ADAM12: variants seen among roughly 807,000 people sequenced by gnomAD.
ADAM12 encodes disintegrin and metalloproteinase domain-containing protein 12.
In ADAM12, 70 loss-of-function variants were observed where a neutral mutation model predicts 106.4. The observed-to-expected ratio is 0.66, with a 90% CI of 0.54 to 0.80. The LOEUF is 0.80. Ranked by LOEUF, ADAM12 falls within the 30% of genes least tolerant of loss-of-function variation. The pLI is 0.00. For synonymous variants in ADAM12, 420 were observed against 433.5 expected (o/e 0.97, Z 0.39); for missense variants, 1,010 against 1,171.9 (o/e 0.86, Z 2.02).
chr10:126,167,869 G>A (rs188236424), intron 3 of ADAM12, among the ~76,000 whole-genome samples: 28 of 152,232 alleles, frequency 1.8e-4, no homozygotes, highest in Admixed American at 1.5e-3. Flanking sequence ...GTTGGTATAT[G>A]GCCATTTTAT....
At chr10:126,037,285 CTTTTT>C (rs34515487) in intron 20 of ADAM12, among the ~76,000 whole-genome samples, 3 of 136,300 alleles carry the variant, frequency 2.2e-5, no homozygotes, top group Non-Finnish European at 4.6e-5. Context: ...TAAGGCTGTG[CTTTTT>C]TTTTTTTTTT....
At chr10:126,181,546 C>G (rs1047408280) in intron 3 of ADAM12, among the ~76,000 whole-genome samples, 1 of 152,154 alleles carries the variant, frequency 6.6e-6, no homozygotes. Flanking sequence ...ACCCACCCAG[C>G]CATCCACACA....
intron 3 of ADAM12, among the ~76,000 whole-genome samples, chr10:126,222,961 G>A (rs1958123286): frequency 6.6e-6 from 1 of 152,092 alleles, no homozygotes; most frequent in Non-Finnish European, 1.5e-5. Context: ...CAGGGCCAAG[G>A]GAAAAAAGCC....
At chr10:126,115,697 G>C (rs895786378) in intron 6 of ADAM12, among the ~76,000 whole-genome samples, 1 of 152,222 alleles carries the variant, frequency 6.6e-6, no homozygotes, top group Middle Eastern at 3.4e-3. Flanking sequence ...AAAATGCAGG[G>C]AAAAAGCAAA....
intron 2 of ADAM12, among the ~76,000 whole-genome samples, chr10:126,326,152 A>G (rs1854293458): frequency 6.6e-6 from 1 of 152,142 alleles, no homozygotes; most frequent in South Asian, 2.1e-4. Context: ...TGCAGCATCA[A>G]TTTCCCCAAG....
At chr10:126,199,428 A>C (rs1957656584) in intron 3 of ADAM12, among the ~76,000 whole-genome samples, 1 of 152,146 alleles carries the variant, frequency 6.6e-6, no homozygotes, top group African/African-American at 2.4e-5. Context: ...GCCAATTTCA[A>C]CGACTACCCA....
In ADAM12 at chr10:126,338,057, T is replaced by C. The variant is rs146122435; in HGVS notation, c.89-7548A>G. ...AAAGCAATCAAGTGCTATGGAACAA[T>C]TACAATTTGGAAAAGATGTTTTATG... On this transcript the variant is annotated intron_variant, in intron 1 of 22. Transcript: ENST00000448723. Among the ~76,000 whole-genome samples, 8 of 152,202 alleles carry C rather than the reference T, an allele frequency of 5.3e-5. No individual in the cohort carries two copies. In the East Asian group the frequency reaches 1.4e-3, roughly 26 times the overall value.
chr10:126,064,413 T>A lies in ADAM12; in HGVS notation c.1609+393A>T, dbSNP rs748189661. 2.0e-4 allele frequency among the ~76,000 whole-genome samples: 30 copies of A among 152,302 alleles called. No homozygotes were observed. Among genetic ancestry groups the A allele is most frequent in the Admixed American group, 5.9e-4 (9 of 15,312 alleles). On this transcript the variant is annotated intron_variant, in intron 14 of 22. Coordinates refer to ENST00000448723, the MANE Select transcript of ADAM12 (RefSeq NM_001288973.2). This position sits in a 1 kb window ranked among gnomAD's most constrained non-coding sequence, Gnocchi z 4.4. ...GTCTGTCCAACTACGTGCTATGCTATCTGAGGGCAGGAGTCATGGTGGATT... is the reference window on the plus strand; with the variant it reads ...GTCTGTCCAACTACGTGCTATGCTAACTGAGGGCAGGAGTCATGGTGGATT...
At chr10:126,239,419 C>T (rs189433631) in intron 3 of ADAM12, among the ~76,000 whole-genome samples, 1 of 152,240 alleles carries the variant, frequency 6.6e-6, no homozygotes, top group East Asian at 1.9e-4. Context: ...TTTCGTCAGT[C>T]CTACATTTAT....
In ADAM12 at chr10:126,290,501, G is replaced by C. The variant is rs545464582; in HGVS notation, c.187-11513C>G. Among the ~76,000 whole-genome samples, 16 of 152,280 alleles carry C rather than the reference G, an allele frequency of 1.1e-4. No individual in the cohort carries two copies. In the South Asian group the frequency reaches 1.2e-3, roughly 12 times the overall value. The stretch of plus-strand genomic sequence containing the variant: ...GCTATGAGATTCAAATGGTAAAAAG[G>C]CTGTTTGGAAACCATCATGCGTGAC... On this transcript the variant is annotated intron_variant, in intron 2 of 22. Coordinates refer to ENST00000448723, the MANE Select transcript of ADAM12 (RefSeq NM_001288973.2).
intron 4 of ADAM12, among the ~76,000 whole-genome samples, chr10:126,137,126 A>G (rs768520331): frequency 6.6e-6 from 1 of 152,084 alleles, no homozygotes. Context: ...GTGAGGTTCA[A>G]TGCTAACTTT....
chr10:126,133,653 TG>T lies in ADAM12; in HGVS notation c.416+1930del, dbSNP rs373206703. On this transcript the variant is annotated intron_variant, in intron 5 of 22. Coordinates refer to ENST00000448723, the MANE Select transcript of ADAM12 (RefSeq NM_001288973.2). ...CTCCAAGCTCCCTGGCACCCATCACTGGGGGGGAGGCCAAAGGACATCTGAT... is the reference window on the plus strand; with the variant it reads ...CTCCAAGCTCCCTGGCACCCATCACTGGGGGGAGGCCAAAGGACATCTGAT... Among the ~76,000 whole-genome samples, 11 of 143,384 alleles carry T rather than the reference TG, an allele frequency of 7.7e-5. 1 individual carries two copies. Among genetic ancestry groups the T allele is most frequent in the African/African-American group, 3.0e-4 (10 of 33,236 alleles). 94.1% of individuals were successfully genotyped at this position (143,384 alleles called of 152,430 possible).
At chr10:126,146,984 G>A (rs1004078522) in intron 4 of ADAM12, among the ~76,000 whole-genome samples, 29 of 152,254 alleles carry the variant, frequency 1.9e-4, no homozygotes, top group South Asian at 2.1e-4. Flanking sequence ...CCGCCCTGAC[G>A]TGTTTAGTCC....
chr10:126,279,188 G>A (rs960237743), intron 2 of ADAM12, among the ~76,000 whole-genome samples, 200 bp from the exon 3 acceptor site: 1 of 152,062 alleles, frequency 6.6e-6, no homozygotes, highest in Non-Finnish European at 1.5e-5. Flanking sequence ...AGGCACCAGA[G>A]GATTGCTTGA....
chr10:126,086,798 C>G (rs1453812949), intron 11 of ADAM12, among the ~76,000 whole-genome samples: 1 of 146,900 alleles, frequency 6.8e-6, no homozygotes, highest in Admixed American at 6.9e-5. Context: ...CTTTGGGAAG[C>G]CGAGGCTCAC....
rs576259799 is a variant in ADAM12 at position 126,174,751 on chromosome 10, C to T, written c.261-19446G>A. 6.1e-3 allele frequency among the ~76,000 whole-genome samples: 897 copies of T among 148,226 alleles called. 1 individual carries two copies. Among genetic ancestry groups the T allele is most frequent in the Middle Eastern group, 0.029 (8 of 280 alleles). ...ACATATTTGAGGACCACAGTCCTCA[C>T]CCCCCCTTTTTTTTTTTTTGAGACT... is the stretch of plus-strand genomic sequence containing the variant. On this transcript the variant is annotated intron_variant, in intron 3 of 22. Transcript: ENST00000448723.
intron 11 of ADAM12, among the ~76,000 whole-genome samples, chr10:126,080,522 G>A (rs1013919250): frequency 2.7e-5 from 4 of 148,546 alleles, no homozygotes; most frequent in African/African-American, 5.1e-5. Flanking sequence ...TGATACCTGC[G>A]GCCCAGGAAA....
At chr10:126,206,853 G>GT (rs1255356439) in intron 3 of ADAM12, among the ~76,000 whole-genome samples, 4 of 126,030 alleles carry the variant, frequency 3.2e-5, no homozygotes, top group African/African-American at 1.4e-4. Flanking sequence ...CCCATGTGTT[G>GT]TGGGGGCGGG....
chr10:126,210,662 A>G (rs916511962), intron 3 of ADAM12, among the ~76,000 whole-genome samples: 2 of 152,198 alleles, frequency 1.3e-5, no homozygotes, highest in African/African-American at 4.8e-5. Flanking sequence ...GCCACGAGGA[A>G]GGTCACCAGA....
Sources: gnomAD v4.1 joint callset for allele counts (sites outside exome capture counted in the v4.1 genomes callset) on GRCh38, gnomAD v4.1.1 for gene constraint, Gnocchi (gnomAD v3.1) non-coding constraint, MANE v1.5 for transcripts, NCBI Gene and HGNC (gene_info 2026-07-23, HGNC 2026-07-21) for gene names.